Variants in CDH18 observed in about 807,000 individuals in gnomAD.
CDH18 encodes the protein cadherin-18.
In CDH18, 31 loss-of-function variants were observed where a neutral mutation model predicts 67.9. The observed-to-expected ratio is 0.46, with a 90% CI of 0.34 to 0.62. CDH18 has a LOEUF of 0.62. CDH18 is among the 20% of genes least tolerant of loss of function. The pLI is 0.01. For synonymous variants in CDH18, 362 were observed against 347.2 expected, an observed-to-expected ratio of 1.04 and a Z score of -0.48; for missense variants, 890 against 975.5, an observed-to-expected ratio of 0.91 and a Z score of 1.17.
At chr5:20,243,346 C>T (rs1376233991) in intron 2 of CDH18, among the ~76,000 whole-genome samples, 1 of 152,124 alleles carries the variant, frequency 6.6e-6, no homozygotes, top group African/African-American at 2.4e-5. Flanking sequence ...TATTAGTGGA[C>T]AATCACATTC....
At chr5:20,420,700 A>G (rs768720622) in intron 1 of CDH18, among the ~76,000 whole-genome samples, 9 of 151,268 alleles carry the variant, frequency 5.9e-5, no homozygotes, top group Non-Finnish European at 4.4e-5. Flanking sequence ...ATCTCTTTGT[A>G]TATGTCATTT....
intron 1 of CDH18, among the ~76,000 whole-genome samples, chr5:20,569,102 C>T (rs1758668933): frequency 2.6e-5 from 4 of 152,160 alleles, no homozygotes; most frequent in South Asian, 4.1e-4. Context: ...AATGAGTAGG[C>T]AGGAAAACAG....
intron 9 of CDH18, among the ~76,000 whole-genome samples, chr5:19,538,154 A>C (rs1749704583): frequency 1.3e-5 from 2 of 152,204 alleles, no homozygotes; most frequent in Non-Finnish European, 2.9e-5. Context: ...TGTAAGTTTG[A>C]AGGAAAGTTT....
At chr5:19,815,159 TC>T (rs1320385332) in intron 3 of CDH18, among the ~76,000 whole-genome samples, 1 of 152,078 alleles carries the variant, frequency 6.6e-6, no homozygotes. Context: ...TTTCTCTGCA[TC>T]CAGTTTGTTG....
chr5:19,500,925 G>GT (rs1384024614), intron 11 of CDH18, among the ~76,000 whole-genome samples: 3 of 151,958 alleles, frequency 2.0e-5, no homozygotes, highest in African/African-American at 7.2e-5. Flanking sequence ...GAGGTCAGGA[G>GT]TTTGAGACCA....
At chr5:20,031,291 A>C (rs187696804) in intron 2 of CDH18, among the ~76,000 whole-genome samples, 410 of 152,244 alleles carry the variant, frequency 2.7e-3, no homozygotes, top group Non-Finnish European at 4.9e-3. Flanking sequence ...ATATACTGGG[A>C]AGAAAAGATA....
At chr5:20,450,739 A>G (rs1308490274) in intron 1 of CDH18, among the ~76,000 whole-genome samples, 1 of 152,152 alleles carries the variant, frequency 6.6e-6, no homozygotes, top group Non-Finnish European at 1.5e-5. Context: ...ACCTCACACT[A>G]CATATGAAAA....
At chr5:19,981,716 G>A (rs1196861279) in intron 1 of CDH18, among the ~76,000 whole-genome samples, 1 of 152,130 alleles carries the variant, frequency 6.6e-6, no homozygotes, top group Non-Finnish European at 1.5e-5. Flanking sequence ...ACTCAGCTCT[G>A]CTGTTCTTGT....
intron 1 of CDH18, among the ~76,000 whole-genome samples, chr5:20,554,218 GA>G (rs1384183823): frequency 6.6e-6 from 1 of 152,108 alleles, no homozygotes; most frequent in Non-Finnish European, 1.5e-5. Flanking sequence ...GTTGAAGCTC[GA>G]ATGTGTGGCC....
At chr5:19,846,786 T>G (rs13185336) in intron 2 of CDH18, among the ~76,000 whole-genome samples, 73,189 of 151,898 alleles carry the variant, frequency 0.48, 17,804 homozygotes, top group Middle Eastern at 0.63. Flanking sequence ...AAAAGACTCC[T>G]TTTGGAATCT....
chr5:19,586,279 G>A (rs1384471784), intron 7 of CDH18, among the ~76,000 whole-genome samples: 1 of 152,020 alleles, frequency 6.6e-6, no homozygotes, highest in Non-Finnish European at 1.5e-5. Context: ...ATGTGCCATG[G>A]TGGTCTGCCG....
chr5:20,392,286 C>G (rs1038042014), intron 1 of CDH18, among the ~76,000 whole-genome samples: 7 of 151,712 alleles, frequency 4.6e-5, no homozygotes, highest in African/African-American at 1.7e-4. Context: ...ATGTAAATAT[C>G]ACTTTTCAAA....
intron 9 of CDH18, among the ~76,000 whole-genome samples, chr5:19,541,554 CTTAGT>C (rs1750280591): frequency 6.6e-6 from 1 of 152,150 alleles, no homozygotes; most frequent in Non-Finnish European, 1.5e-5. Context: ...GTTTAATGGA[CTTAGT>C]TTCACATGGC....
chr5:19,877,433 C>T (rs989755909), intron 2 of CDH18, among the ~76,000 whole-genome samples: 8 of 151,712 alleles, frequency 5.3e-5, no homozygotes, highest in Admixed American at 2.0e-4. Flanking sequence ...AATGTAAATA[C>T]GAGGATAGTC....
intron 3 of CDH18, among the ~76,000 whole-genome samples, chr5:19,767,321 G>GTAAT (rs1285069677): frequency 6.6e-6 from 1 of 151,930 alleles, no homozygotes; most frequent in Non-Finnish European, 1.5e-5. Flanking sequence ...GAAGGGATAG[G>GTAAT]TAATTGTAAT....
intron 2 of CDH18, among the ~76,000 whole-genome samples, chr5:20,130,401 GTT>G (rs4002156): frequency 0.55 from 78,723 of 143,554 alleles, 21,575 homozygotes; most frequent in Middle Eastern, 0.77. Flanking sequence ...CTCTTCCTTA[GTT>G]TTTTTTTTTT....
intron 2 of CDH18, among the ~76,000 whole-genome samples, chr5:20,248,420 T>A (rs978581652): frequency 6.6e-6 from 1 of 152,232 alleles, no homozygotes; most frequent in Non-Finnish European, 1.5e-5. Context: ...ACCATGGCTA[T>A]GTGACAAGGG....
At chr5:20,086,594 C>T (rs1187878464) in intron 2 of CDH18, among the ~76,000 whole-genome samples, 2 of 152,128 alleles carry the variant, frequency 1.3e-5, no homozygotes, top group South Asian at 2.1e-4. Flanking sequence ...TAAGTTAAAG[C>T]CATTGCTCAT....
intron 1 of CDH18, among the ~76,000 whole-genome samples, chr5:20,565,025 T>TA (rs1194891516): frequency 6.6e-6 from 1 of 152,216 alleles, no homozygotes; most frequent in African/African-American, 2.4e-5. Flanking sequence ...GAGTACATTT[T>TA]AAAAATTGAC....
Sources: gnomAD v4.1 joint callset for allele counts (sites outside exome capture counted in the v4.1 genomes callset) on GRCh38, gnomAD v4.1.1 for gene constraint, MANE v1.5 for transcripts, NCBI Gene and HGNC (gene_info 2026-07-23, HGNC 2026-07-21) for gene names.